Variants in PRKAA2 observed in about 807,000 individuals in gnomAD.
PRKAA2 encodes 5'-AMP-activated protein kinase catalytic subunit alpha-2.
A neutral mutation model predicts 56.3 loss-of-function variants in PRKAA2; 40 were observed. That is an observed-to-expected ratio of 0.71 (90% CI 0.55 to 0.92). The LOEUF is 0.92. PRKAA2 is among the 40% of genes least tolerant of loss of function. The probability of loss-of-function intolerance (pLI) is 0.00; values close to 1 mark genes in which losing one functional copy is unlikely to be tolerated. For synonymous variants in PRKAA2, 214 were observed against 234.2 expected, an observed-to-expected ratio of 0.91 and a Z score of 0.79; for missense variants, 542 against 686.9, an observed-to-expected ratio of 0.79 and a Z score of 2.36.
chr1:56,690,086 A>G (rs1216990108), intron 2 of PRKAA2, among the ~76,000 whole-genome samples: 1 of 151,206 alleles, frequency 6.6e-6, no homozygotes, highest in Non-Finnish European at 1.5e-5. Flanking sequence ...TTATCTTTTT[A>G]ATCTGTAAAC....
At chr1:56,702,085 T>C (rs528014077) in intron 6 of PRKAA2, among the ~76,000 whole-genome samples, 1 of 151,756 alleles carries the variant, frequency 6.6e-6, no homozygotes, top group South Asian at 2.1e-4. Context: ...TTTTATCTTT[T>C]CTTTTTTTTT....
intron 8 of PRKAA2, 61 bp from the exon 9 acceptor site, chr1:56,707,414 A>T (rs1480748960): frequency 5.2e-6 from 7 of 1,352,604 alleles, no homozygotes; most frequent in Non-Finnish European, 6.2e-6. Flanking sequence ...TCATAAATTC[A>T]TAGGAAGGGC....
At chr1:56,703,248 T>G (rs941233366) in intron 6 of PRKAA2, among the ~76,000 whole-genome samples, 1 of 152,228 alleles carries the variant, frequency 6.6e-6, no homozygotes, top group African/African-American at 2.4e-5. Flanking sequence ...TTTTTTAAAA[T>G]GTAGGCTATT....
chr1:56,693,236 T>C (rs1238014995), intron 4 of PRKAA2, among the ~76,000 whole-genome samples: 2 of 152,154 alleles, frequency 1.3e-5, no homozygotes, highest in African/African-American at 4.8e-5. Context: ...ATGAAACTTA[T>C]TTATTACTAT....
At chr1:56,655,165 T>A (rs1392946735) in intron 1 of PRKAA2, among the ~76,000 whole-genome samples, 1 of 150,068 alleles carries the variant, frequency 6.7e-6, no homozygotes, top group South Asian at 2.1e-4. Context: ...TTTTTTTTTC[T>A]AAATGCTTGT....
intron 2 of PRKAA2, among the ~76,000 whole-genome samples, chr1:56,678,543 G>A (rs1304086817): frequency 6.6e-6 from 1 of 152,086 alleles, no homozygotes; most frequent in Non-Finnish European, 1.5e-5. Context: ...GGCACAAATA[G>A]GATTTAAAGA....
At chr1:56,679,811 C>G (rs1644140600) in intron 2 of PRKAA2, among the ~76,000 whole-genome samples, 2 of 152,066 alleles carry the variant, frequency 1.3e-5, no homozygotes, top group African/African-American at 2.4e-5. Flanking sequence ...CTTTGCTATC[C>G]TGAGACAGCA....
intron 5 of PRKAA2, among the ~76,000 whole-genome samples, chr1:56,695,598 A>G (rs1270751874): frequency 3.3e-5 from 5 of 152,182 alleles, no homozygotes; most frequent in African/African-American, 4.8e-5. Flanking sequence ...TTTAACCTAT[A>G]CACCATAGTA....
intron 1 of PRKAA2, among the ~76,000 whole-genome samples, chr1:56,670,692 T>G (rs368807052): frequency 3.3e-5 from 5 of 152,200 alleles, no homozygotes; most frequent in East Asian, 3.8e-4. Flanking sequence ...GCTACTTACT[T>G]GAGTAGGCCT....
At position 56,696,012 on chromosome 1, in the gene PRKAA2, T is replaced by G; in HGVS notation, c.641T>G (p.Phe214Cys). The change falls in exon 6 of 9, where the codon TTT (phenylalanine) becomes TGT (cysteine). Residue 214 changes from phenylalanine (F) to cysteine (C), a missense_variant. Coordinates refer to ENST00000371244, the MANE Select transcript of PRKAA2 (RefSeq NM_006252.4). ...GCTCTTCTTTGTGGCACCCTCCCAT[T>G]TGATGATGAGCATGTACCTACGTTA... ...LYALLCGTLP[F>C]DDEHVPTLFK... is the part of the protein sequence containing the mutation. 6.2e-7 allele frequency: 1 copy of G among 1,612,112 alleles called. No individual in the cohort carries two copies. Among genetic ancestry groups the G allele is most frequent in the East Asian group, 2.2e-5 (1 of 44,830 alleles).
intron 6 of PRKAA2, among the ~76,000 whole-genome samples, chr1:56,700,430 T>C (rs907233520): frequency 6.6e-6 from 1 of 152,146 alleles, no homozygotes; most frequent in African/African-American, 2.4e-5. Flanking sequence ...TATGGCCCTT[T>C]CAATTTTTTC....
chr1:56,702,460 C>G (rs534861803), intron 6 of PRKAA2, among the ~76,000 whole-genome samples: 1 of 152,204 alleles, frequency 6.6e-6, no homozygotes, highest in East Asian at 1.9e-4. Context: ...GTTATGCTAC[C>G]CTGTCTCTTT....
chr1:56,675,854 A>G (rs1355256476), intron 2 of PRKAA2, among the ~76,000 whole-genome samples: 3 of 152,220 alleles, frequency 2.0e-5, no homozygotes, highest in Non-Finnish European at 2.9e-5. Flanking sequence ...ATTGTTAGAG[A>G]GTTTAATAGT....
At chr1:56,693,395 A>C (rs750547202) in intron 4 of PRKAA2, among the ~76,000 whole-genome samples, 5 of 152,166 alleles carry the variant, frequency 3.3e-5, no homozygotes, top group Non-Finnish European at 7.4e-5. Flanking sequence ...TTGAAAGCAC[A>C]GGGCAAAAAA....
At chr1:56,699,822 A>G (rs893538085) in intron 6 of PRKAA2, among the ~76,000 whole-genome samples, 1 of 152,170 alleles carries the variant, frequency 6.6e-6, no homozygotes, top group African/African-American at 2.4e-5. Context: ...CCTGTTGTGG[A>G]CATTTCATAT....
At chr1:56,669,239 A>G (rs908277987) in intron 1 of PRKAA2, among the ~76,000 whole-genome samples, 1 of 152,102 alleles carries the variant, frequency 6.6e-6, no homozygotes, top group Non-Finnish European at 1.5e-5. Context: ...CAGGCAGATC[A>G]CCTGAGGTCA....
chr1:56,675,144 C>T (rs1644104279), intron 2 of PRKAA2, among the ~76,000 whole-genome samples: 1 of 151,604 alleles, frequency 6.6e-6, no homozygotes, highest in South Asian at 2.1e-4. Context: ...TTGACTAGAC[C>T]CTAGAAAATT....
At chr1:56,664,203 C>T (rs1644017009) in intron 1 of PRKAA2, among the ~76,000 whole-genome samples, 1 of 152,178 alleles carries the variant, frequency 6.6e-6, no homozygotes, top group African/African-American at 2.4e-5. Flanking sequence ...CATAAGGCCT[C>T]AATGATTTCA....
chr1:56,700,199 A>G (rs1477835960), intron 6 of PRKAA2, among the ~76,000 whole-genome samples: 1 of 152,118 alleles, frequency 6.6e-6, no homozygotes, highest in Non-Finnish European at 1.5e-5. Context: ...TCTTTTTTAT[A>G]TATGGCTACT....
Sources: allele counts gnomAD v4.1 joint callset (sites outside exome capture counted in the v4.1 genomes callset), GRCh38; gene constraint gnomAD v4.1.1; transcripts MANE v1.5; gene names NCBI Gene and HGNC (gene_info 2026-07-23, HGNC 2026-07-21).